SLC30A2: variants seen among roughly 807,000 people sequenced by gnomAD.
The protein encoded by SLC30A2 is solute carrier family 30 member 2.
Under a neutral mutation model 39.6 loss-of-function variants are expected in SLC30A2, and 19 were observed. The ratio of observed to expected loss-of-function variants is 0.48; its 90% CI spans 0.34 to 0.70. The LOEUF (loss-of-function observed/expected upper bound fraction) is 0.70, where lower values mean the gene tolerates loss of function less well. SLC30A2 is among the 30% of genes least tolerant of loss of function. The pLI, the probability that SLC30A2 is intolerant of heterozygous loss-of-function variation, is 0.01. For missense variants in SLC30A2, 387 were observed against 479.4 expected (o/e 0.81, Z 1.80); for synonymous variants, 195 against 194.8 (o/e 1.00, Z -0.01).
rs2050360158 is a variant in SLC30A2, at chr1:26,038,216, T to C, written c.*944A>G. On this transcript the variant is annotated 3_prime_UTR_variant, in exon 8 of 8. Transcript: ENST00000374276. ...TGAGTCGGGGACAGGTTTCCCCTCT[T>C]GCATCTTGTAAACAAAAGCCACCCC... The C allele has an allele frequency of 6.6e-6, 1 of 152,254 alleles. No homozygotes were observed. The highest frequency in any genetic ancestry group is 2.4e-5 in the African/African-American group (1 of 41,446). 9.4% of individuals were successfully genotyped at this position (152,254 alleles called of 1,614,324 possible).
intron 4 of SLC30A2, among the ~76,000 whole-genome samples, chr1:26,043,025 G>A (rs202010459): frequency 2.0e-5 from 3 of 152,300 alleles, no homozygotes; most frequent in East Asian, 3.9e-4. Context: ...CAAAGACCCC[G>A]AAAGAGACAC....
At position 26,046,044 on chromosome 1, in the gene SLC30A2, G is replaced by A; in HGVS notation, c.-148C>T. On this transcript the variant is annotated 5_prime_UTR_variant, in exon 1 of 8. Coordinates refer to ENST00000374276, the MANE Select transcript of SLC30A2 (RefSeq NM_001004434.3). This position sits in a 1 kb window ranked among gnomAD's most constrained non-coding sequence, Gnocchi z 4.4. ...CTCCGGCCCGGCTCCTGCGGCCCCT[G>A]AGCTCCCCCGGCTCCCGCTGCGGCT... The A allele has an allele frequency of 7.4e-7, 1 of 1,356,588 alleles. No homozygotes were observed. The highest frequency in any genetic ancestry group is 9.4e-7 in the Non-Finnish European group (1 of 1,063,092). The allele number at this position is 1,356,588 out of a possible 1,614,324, so 84.0% of individuals were successfully genotyped here.
At chr1:26,041,173 C>T (rs555028881) in intron 6 of SLC30A2, among the ~76,000 whole-genome samples, 1 of 152,188 alleles carries the variant, frequency 6.6e-6, no homozygotes, top group African/African-American at 2.4e-5. Flanking sequence ...GTTCTCCAAC[C>T]CCACAAAGCA....
rs531639346 is a variant in SLC30A2 at position 26,045,744 on chromosome 1, C to G, written c.50+103G>C. On this transcript the variant is annotated intron_variant, in intron 1 of 7. Coordinates refer to ENST00000374276, the MANE Select transcript of SLC30A2 (RefSeq NM_001004434.3). ...CTCACCCCACCCCTCCTGCATGGTC[C>G]CAGCTCAAGCCGCAGCCAAAACCAA... 2.5e-6 allele frequency: 4 copies of G among 1,580,878 alleles called. No homozygotes were observed. The African/African-American group carries it at 5.4e-5, about 21-fold the overall frequency.
In SLC30A2 at chr1:26,042,603, G is replaced by T. The variant is rs779348085; in HGVS notation, c.678C>A (p.Gly226=). The T allele has an allele frequency of 6.2e-7, 1 of 1,614,094 alleles. No homozygotes were observed. The highest frequency in any genetic ancestry group is 1.1e-5 in the South Asian group (1 of 91,082). Residue 226 remains glycine (G), a synonymous_variant, in exon 5 of 8, where the codon GGC becomes GGA. Transcript: ENST00000374276. ...SVRAAFIHVI[G]DFMQSMGVLV... ...GGACACCCATGCTCTGCATAAAGTC[G>T]CCGATCACATGGATGAAGGCAGCTC...
At chr1:26,043,849 G>C (rs1477024361) in intron 3 of SLC30A2, among the ~76,000 whole-genome samples, 2 of 152,218 alleles carry the variant, frequency 1.3e-5, no homozygotes, top group Non-Finnish European at 2.9e-5. Flanking sequence ...GTAAACTGAG[G>C]CTTCTGGGGA....
rs377123650 is a variant in SLC30A2 at position 26,045,940 on chromosome 1, G to A, written c.-44C>T. 54 of 1,603,270 alleles carry A rather than the reference G, an allele frequency of 3.4e-5. No homozygotes were observed. The Middle Eastern group carries it at 8.0e-4, about 24-fold the overall frequency. The stretch of plus-strand genomic sequence containing the variant: ...CCGGCAGCCGCGCAGCCGCCCCGCC[G>A]AGTGCGCCCTGAAAGTTGCGCGCGG... On this transcript the variant is annotated 5_prime_UTR_variant, in exon 1 of 8. Coordinates refer to ENST00000374276, the MANE Select transcript of SLC30A2 (RefSeq NM_001004434.3).
At chr1:26,040,271 C>T (rs999748697) in intron 6 of SLC30A2, among the ~76,000 whole-genome samples, 3 of 151,938 alleles carry the variant, frequency 2.0e-5, no homozygotes, top group Admixed American at 6.6e-5. Context: ...TTTTTTGAGA[C>T]GGAATCTTGC....
Position 26,039,968 on chromosome 1 carries a change from A to G in SLC30A2, c.839-57T>C. On this transcript the variant is annotated intron_variant, in intron 6 of 7. Transcript: ENST00000374276. This position sits in a 1 kb window ranked among gnomAD's most constrained non-coding sequence, Gnocchi z 4.3. ...GAAACTACCCCTCCCACGCCTGCCC[A>G]TTGGTGCAGGGCTGGCTCCTGATCC... 1.9e-6 allele frequency: 3 copies of G among 1,597,346 alleles called. No individual in the cohort carries two copies. The highest frequency in any genetic ancestry group is 1.1e-5 in the South Asian group (1 of 90,378).
rs141752286 is a variant in SLC30A2 at position 26,045,095 on chromosome 1, C to G, written c.173G>C (p.Gly58Ala). 2.5e-6 allele frequency: 4 copies of G among 1,614,210 alleles called. No homozygotes were observed. Residue 58 changes from glycine to alanine, a missense_variant, in exon 2 of 8, where the codon GGT (glycine) becomes GCT (alanine). Physicochemically the swap from Gly to Ala is moderately conservative, Grantham distance 60. Transcript: ENST00000374276. ...CTTGGGGTCACAGTGACTGTCAGGA[C>G]CCTTCTGAGCATGGCAGTGATGGTT... Reference protein sequence around the residue: ...QSNHHCHAQKGPDSHCDPKKG... With the variant: ...QSNHHCHAQKAPDSHCDPKKG...
At position 26,039,060 on chromosome 1, in the gene SLC30A2, A is replaced by G; in HGVS notation, c.*100T>C. On this transcript the variant is annotated 3_prime_UTR_variant, in exon 8 of 8. Transcript: ENST00000374276. The surrounding 1 kb of genome is among the most constrained non-coding windows in gnomAD (Gnocchi z 4.3). ...GGTCAGGAGGGGGACCTGGTTTACA[A>G]CACAGCTGGGGTAGGCAAAGTCCTG... The G allele has an allele frequency of 6.5e-7, 1 of 1,529,552 alleles. No individual in the cohort carries two copies. Among genetic ancestry groups the G allele is most frequent in the South Asian group, 1.3e-5 (1 of 79,028 alleles). 94.7% of individuals were successfully genotyped at this position (1,529,552 alleles called of 1,614,324 possible). A position where few individuals can be genotyped will look rare whatever the true frequency, so the allele number is the denominator to read the frequency against.
chr1:26,039,065 G>C lies in SLC30A2; in HGVS notation c.*95C>G. 6.5e-7 allele frequency: 1 copy of C among 1,541,384 alleles called. No individual in the cohort carries two copies. The highest frequency in any genetic ancestry group is 8.8e-7 in the Non-Finnish European group (1 of 1,138,598). On this transcript the variant is annotated 3_prime_UTR_variant, in exon 8 of 8. Transcript: ENST00000374276. The surrounding 1 kb of genome is among the most constrained non-coding windows in gnomAD (Gnocchi z 4.3). ...GGAGGGGGACCTGGTTTACAACACA[G>C]CTGGGGTAGGCAAAGTCCTGGCTGG...
chr1:26,041,779 G>C lies in SLC30A2; in HGVS notation c.759C>G (p.Ile253Met). Residue 253 changes from isoleucine (I) to methionine (M), a missense_variant, in exon 6 of 8, where the codon ATC (isoleucine) becomes ATG (methionine). Physicochemically the swap from Ile to Met is conservative, Grantham distance 10. Transcript: ENST00000374276. ...FKPEYKYVDP[I>M]CTFVFSILVL... ...CCAGGATGGAGAAGACGAAGGTGCA[G>C]ATGGGGTCTACATACTTGTATTCTG... 1 of 1,612,928 alleles carries C rather than the reference G, an allele frequency of 6.2e-7. No individual in the cohort carries two copies. Among genetic ancestry groups the C allele is most frequent in the East Asian group, 2.2e-5 (1 of 44,852 alleles).
rs1490479579 is a variant in SLC30A2 at position 26,037,682 on chromosome 1, C to T, written c.*1478G>A. 1.3e-5 allele frequency: 2 copies of T among 152,172 alleles called. No individual in the cohort carries two copies. Among genetic ancestry groups the T allele is most frequent in the African/African-American group, 4.8e-5 (2 of 41,390 alleles). 9.4% of individuals were successfully genotyped at this position (152,172 alleles called of 1,614,324 possible). On this transcript the variant is annotated 3_prime_UTR_variant, in exon 8 of 8. Transcript: ENST00000374276. ...AGATTGTGGTGGAATGGAGCACCCA[C>T]CAGCAACCCCCCACCCCTCTCCAGG...
At chr1:26,044,470 C>G in intron 2 of SLC30A2, 26 bp from the exon 3 acceptor site, 1 of 1,608,594 alleles carries the variant, frequency 6.2e-7, no homozygotes, top group Non-Finnish European at 8.5e-7. Flanking sequence ...TCCTTATCAG[C>G]TCCCCCAGAG....
Position 26,043,376 on chromosome 1 carries a change from G to A in SLC30A2, c.572+22C>T. On this transcript the variant is annotated intron_variant, in intron 4 of 7. Coordinates refer to ENST00000374276, the MANE Select transcript of SLC30A2 (RefSeq NM_001004434.3). ...GAGGCGGGAGGAGGAGGGGAGACGA[G>A]GGAAACTGGGGCCCCACTCACATGA... The A allele has an allele frequency of 1.2e-6, 2 of 1,608,248 alleles. 1 individual carries two copies. Among genetic ancestry groups the A allele is most frequent in the South Asian group, 2.2e-5 (2 of 90,740 alleles).
Position 26,044,342 on chromosome 1 carries a change from G to C in SLC30A2, c.374C>G (p.Ser125Cys), listed in dbSNP as rs2050435235. Residue 125 changes from serine (S) to cysteine (C), a missense_variant, in exon 3 of 8, where the codon TCC becomes TGC. Coordinates refer to ENST00000374276, the MANE Select transcript of SLC30A2 (RefSeq NM_001004434.3). ...LISLFSLWMS[S>C]RPATKTMNFG... ...GTTCATGGTCTTGGTGGCTGGCCGG[G>C]AGGACATCCAGAGGGAGAAGAGGCT... 19 of 1,613,934 alleles carry C rather than the reference G, an allele frequency of 1.2e-5. No individual in the cohort carries two copies. Among genetic ancestry groups the C allele is most frequent in the Non-Finnish European group, 1.5e-5 (18 of 1,180,030 alleles).
At chr1:26,045,648 G>A (rs1225498248) in intron 1 of SLC30A2, among the ~76,000 whole-genome samples, 199 bp downstream of exon 1, 1 of 152,200 alleles carries the variant, frequency 6.6e-6, no homozygotes, top group Non-Finnish European at 1.5e-5. Flanking sequence ...GCGGGCAGGG[G>A]TCAGAATCTG....
In SLC30A2 at chr1:26,046,006, C is replaced by T. The variant is rs1372310860; in HGVS notation, c.-110G>A. 1 of 1,475,484 alleles carries T rather than the reference C, an allele frequency of 6.8e-7. No individual in the cohort carries two copies. The highest frequency in any genetic ancestry group is 8.9e-7 in the Non-Finnish European group (1 of 1,122,948). The allele number at this position is 1,475,484 out of a possible 1,614,324, so 91.4% of individuals were successfully genotyped here. A position where few individuals can be genotyped will look rare whatever the true frequency, so the allele number is the denominator to read the frequency against. ...TCACCCACCTGCCCCGAGGGCCCCG[C>T]GAGGTGCGCTCACTCCGGCCCGGCT... On this transcript the variant is annotated 5_prime_UTR_variant, in exon 1 of 8. Transcript: ENST00000374276. The surrounding 1 kb of genome is among the most constrained non-coding windows in gnomAD (Gnocchi z 4.4).
Sources: allele counts gnomAD v4.1 joint callset (sites outside exome capture counted in the v4.1 genomes callset), GRCh38; gene constraint gnomAD v4.1.1; non-coding constraint Gnocchi (gnomAD v3.1); transcripts MANE v1.5; gene names NCBI Gene and HGNC (gene_info 2026-07-23, HGNC 2026-07-21).